LINGO1: variants seen among roughly 807,000 people sequenced by gnomAD.
LINGO1 encodes leucine rich repeat and Ig domain containing 1, also known as leucine-rich repeat and immunoglobulin-like domain-containing nogo receptor-interacting protein 1.
In LINGO1, 11 loss-of-function variants were observed where a neutral mutation model predicts 37.3. The ratio of observed to expected loss-of-function variants is 0.29; its 90% CI spans 0.19 to 0.49. The LOEUF is 0.49. Among genes scored for constraint, LINGO1 ranks in the 20% least tolerant of loss-of-function variants. The probability of loss-of-function intolerance (pLI) is 0.99; values close to 1 mark genes in which losing one functional copy is unlikely to be tolerated. For missense variants in LINGO1, 585 were observed against 878.2 expected (o/e 0.67, Z 4.22); for synonymous variants, 387 against 403.0 (o/e 0.96, Z 0.48).
chr15:77,730,481 T>C (rs1434074108), intron 2 of LINGO1, among the ~76,000 whole-genome samples: 3 of 152,150 alleles, frequency 2.0e-5, no homozygotes, highest in Non-Finnish European at 2.9e-5. Context: ...GCTCGGGCAG[T>C]GCACATGACT....
intron 1 of LINGO1, among the ~76,000 whole-genome samples, chr15:77,798,300 C>G (rs951890499): frequency 2.6e-5 from 4 of 152,242 alleles, no homozygotes; most frequent in Non-Finnish European, 2.9e-5. Context: ...TAGACTGGCA[C>G]AAGCCAGTCA....
chr15:77,691,129 T>C (rs1482845122), intron 1 of LINGO1, among the ~76,000 whole-genome samples: 7 of 152,236 alleles, frequency 4.6e-5, no homozygotes, highest in Non-Finnish European at 1.0e-4. Flanking sequence ...GATATTGCAA[T>C]GTGGATAGTG....
chr15:77,629,866 A>G (rs1427683724), intron 1 of LINGO1, among the ~76,000 whole-genome samples: 1 of 152,110 alleles, frequency 6.6e-6, no homozygotes, highest in Non-Finnish European at 1.5e-5. Flanking sequence ...GTGTGGTTCT[A>G]TGCTGTGGGT....
In LINGO1 at chr15:77,731,638, C is replaced by T. The variant is rs78723901; in HGVS notation, c.-195+3354G>A. On this transcript the variant is annotated intron_variant, in intron 2 of 3. Coordinates refer to the LINGO1 transcript ENST00000561686. ...TTCCTTCTCCTCACTCTCCTCCCTG[C>T]CACCATCCCAATGTGCTAGGCCTCT... 3.6e-3 allele frequency among the ~76,000 whole-genome samples: 544 copies of T among 152,300 alleles called. 5 individuals are homozygous for T. Among genetic ancestry groups the T allele is most frequent in the African/African-American group, 0.012 (510 of 41,558 alleles).
intron 2 of LINGO1, among the ~76,000 whole-genome samples, chr15:77,713,309 C>G (rs546520568): frequency 6.6e-6 from 1 of 151,204 alleles, no homozygotes; most frequent in East Asian, 2.0e-4. Flanking sequence ...AACTCCTGAG[C>G]TCAAGTACTC....
intron 1 of LINGO1, among the ~76,000 whole-genome samples, chr15:77,810,974 A>G (rs1026953144): frequency 6.6e-6 from 1 of 152,000 alleles, no homozygotes; most frequent in African/African-American, 2.4e-5. Flanking sequence ...ATCCCCCAGA[A>G]GCTCACCCCC....
intron 2 of LINGO1, among the ~76,000 whole-genome samples, chr15:77,718,450 G>A (rs1293606169): frequency 6.6e-6 from 1 of 150,820 alleles, no homozygotes; most frequent in Non-Finnish European, 1.5e-5. Context: ...GCTCACACAC[G>A]CCCATGTGTG....
intron 1 of LINGO1, among the ~76,000 whole-genome samples, chr15:77,627,106 A>G (rs78632148): frequency 0.014 from 2,122 of 152,232 alleles, 51 homozygotes; most frequent in African/African-American, 0.048. Context: ...GAAAGGGGAA[A>G]AAATAGAAAA....
At chr15:77,790,704 TG>T (rs902680853), upstream of LINGO1, among the ~76,000 whole-genome samples, 8 of 151,976 alleles carry the variant, frequency 5.3e-5, no homozygotes, top group African/African-American at 1.4e-4. Flanking sequence ...CCGCTGGGTT[TG>T]GGGGGGTGGA....
At chr15:77,795,485 C>T (rs1056334406) in intron 2 of LINGO1, among the ~76,000 whole-genome samples, 1 of 152,170 alleles carries the variant, frequency 6.6e-6, no homozygotes, top group Non-Finnish European at 1.5e-5. Context: ...TCTAGACCCT[C>T]ACGCTGTCTC....
Position 77,631,302 on chromosome 15 carries a change from G to A in LINGO1, c.6+1008C>T, listed in dbSNP as rs181134522. Among the ~76,000 whole-genome samples the A allele has an allele frequency of 1.0e-3, 159 of 152,328 alleles. 1 individual carries two copies. The highest frequency in any genetic ancestry group is 3.4e-3 in the Middle Eastern group (1 of 294). ...TCCAGATGCCACAGCCCCTACCTCA[G>A]GGCCTCCTGCACTCCCACCCGCTCA... On this transcript the variant is annotated intron_variant, in intron 1 of 1. Coordinates refer to ENST00000355300, the MANE Select transcript of LINGO1 (RefSeq NM_032808.7).
intron 1 of LINGO1, among the ~76,000 whole-genome samples, chr15:77,750,099 C>G (rs1170001970): frequency 6.6e-6 from 1 of 152,100 alleles, no homozygotes; most frequent in Non-Finnish European, 1.5e-5. Context: ...TGAGTGAACA[C>G]GTGCCCTGGA....
intron 1 of LINGO1, among the ~76,000 whole-genome samples, chr15:77,816,553 G>A (rs992610536): frequency 3.9e-5 from 6 of 152,190 alleles, no homozygotes; most frequent in Admixed American, 2.6e-4. Flanking sequence ...GCAGGGTCAG[G>A]TCTTGCCTGG....
chr15:77,709,404 G>A (rs1015986531), intron 2 of LINGO1, among the ~76,000 whole-genome samples: 8 of 152,122 alleles, frequency 5.3e-5, no homozygotes, highest in Non-Finnish European at 8.8e-5. Context: ...CATCATTCCC[G>A]TCCCACCGAT....
At chr15:77,724,406 G>A (rs1350747307) in intron 2 of LINGO1, among the ~76,000 whole-genome samples, 1 of 152,224 alleles carries the variant, frequency 6.6e-6, no homozygotes, top group Non-Finnish European at 1.5e-5. Context: ...TGCAAACGCG[G>A]GGACTTATCA....
chr15:77,820,739 G>A (rs1224045858), upstream of LINGO1: 1 of 152,272 alleles, frequency 6.6e-6, no homozygotes, highest in Non-Finnish European at 1.5e-5. Flanking sequence ...CCCATAGAAG[G>A]GGGAGTCCCA....
At chr15:77,815,324 A>G (rs11631822) in intron 1 of LINGO1, among the ~76,000 whole-genome samples, 75,854 of 145,812 alleles carry the variant, frequency 0.52, 20,782 homozygotes, top group South Asian at 0.64. Context: ...GCACAGGCAC[A>G]GCCAGAAAAA....
chr15:77,754,128 GGGGAAAA>G (rs753666793), intron 1 of LINGO1, among the ~76,000 whole-genome samples: 32 of 151,926 alleles, frequency 2.1e-4, no homozygotes, highest in Non-Finnish European at 4.1e-4. Flanking sequence ...GGAAGGAAAG[GGGGAAAA>G]GGGAAAAGGA....
At chr15:77,688,919 G>A (rs918602145) in intron 2 of LINGO1, among the ~76,000 whole-genome samples, 2 of 152,228 alleles carry the variant, frequency 1.3e-5, no homozygotes, top group Non-Finnish European at 2.9e-5. Flanking sequence ...GTGCTGGGAC[G>A]CAGTGACTAG....
Sources: allele counts gnomAD v4.1 joint callset (sites outside exome capture counted in the v4.1 genomes callset), GRCh38; gene constraint gnomAD v4.1.1; transcripts MANE v1.5; gene names NCBI Gene and HGNC (gene_info 2026-07-23, HGNC 2026-07-21).